RYR1: variants seen among roughly 807,000 people sequenced by gnomAD.
The protein encoded by RYR1 is ryanodine receptor 1.
In RYR1, 342 loss-of-function variants were observed where a neutral mutation model predicts 583.5. The ratio of observed to expected loss-of-function variants is 0.59; its 90% CI spans 0.54 to 0.64. The LOEUF (loss-of-function observed/expected upper bound fraction) is 0.64. Among genes scored for constraint, RYR1 ranks in the 30% least tolerant of loss-of-function variants. The pLI, the probability that RYR1 is intolerant of heterozygous loss-of-function variation, is 0.00. For missense variants in RYR1, 6,032 were observed against 6,917.2 expected, an observed-to-expected ratio of 0.87 and a Z score of 4.54; for synonymous variants, 2,791 against 2,822.5, an observed-to-expected ratio of 0.99 and a Z score of 0.35.
At chr19:38,572,387 T>C (rs1973761182) in intron 95 of RYR1, 117 bp downstream of exon 95, 3 of 1,216,292 alleles carry the variant, frequency 2.5e-6, no homozygotes, top group Non-Finnish European at 2.3e-6. Context: ...AGAGGGGGCC[T>C]AGGGTTGGGG....
In RYR1 at chr19:38,458,612, T is replaced by TA. The variant is rs770089602; in HGVS notation, c.2167+320_2167+321insA. On this transcript the variant is annotated intron_variant, in intron 18 of 105. Coordinates refer to ENST00000359596, the MANE Select transcript of RYR1 (RefSeq NM_000540.3). ...AGGAGAATTTATTTATTTATTTATTTTGTTTGTTTGTTTGTTTGTTTGTTT... is the reference window on the plus strand; with the variant it reads ...AGGAGAATTTATTTATTTATTTATTTATGTTTGTTTGTTTGTTTGTTTGTTT... 8.4e-3 allele frequency among the ~76,000 whole-genome samples: 1,234 copies of TA among 147,690 alleles called. 17 individuals carry two copies. Among genetic ancestry groups the TA allele is most frequent in the African/African-American group, 0.029 (1,155 of 40,204 alleles).
In RYR1 at chr19:38,501,006, C is replaced by T. The variant is rs557965577; in HGVS notation, c.7614+16C>T. 716 of 1,611,052 alleles carry T rather than the reference C, an allele frequency of 4.4e-4. 8 individuals are homozygous for T. In the South Asian group the frequency reaches 7.5e-3, roughly 17 times the overall value. ...GCTGGACACGGTGAGCAACCCTGCC[C>T]AGCCTGGCCACCCTCCCCACTTCCA... On this transcript the variant is annotated intron_variant, in intron 47 of 105. Coordinates refer to ENST00000359596, the MANE Select transcript of RYR1 (RefSeq NM_000540.3).
Position 38,442,570 on chromosome 19 carries a change from CTCT to C in RYR1, c.270+123_270+125del, listed in dbSNP as rs1249111257. On this transcript the variant is annotated intron_variant, in intron 3 of 105. Coordinates refer to ENST00000359596, the MANE Select transcript of RYR1 (RefSeq NM_000540.3). Reference sequence around the variant, plus strand: ...GGACCCGGGGGTCGCTTACCATCTGCTCTTCTTCCTCTCTCTGCCCTGCCCCCC... The same window carrying C: ...GGACCCGGGGGTCGCTTACCATCTGCTCTTCCTCTCTCTGCCCTGCCCCCC... The C allele has an allele frequency of 4.2e-6, 3 of 712,426 alleles. No homozygotes were observed. In the South Asian group the frequency reaches 4.6e-5, roughly 11 times the overall value. 44.1% of individuals were successfully genotyped at this position (712,426 alleles called of 1,614,324 possible). A position where few individuals can be genotyped will look rare whatever the true frequency, so the allele number is the denominator to read the frequency against.
chr19:38,576,033 A>G, intron 97 of RYR1, 72 bp downstream of exon 97: 1 of 1,562,934 alleles, frequency 6.4e-7, no homozygotes, highest in Non-Finnish European at 8.8e-7. Context: ...AGGCCTGCCA[A>G]GCACTTGCTT....
rs1973048128 is a variant in RYR1, at chr19:38,559,884, A to T, written c.12283-1229A>T. Among the ~76,000 whole-genome samples, 5 of 151,176 alleles carry T rather than the reference A, an allele frequency of 3.3e-5. No homozygotes were observed. The South Asian group carries it at 8.4e-4, about 25-fold the overall frequency. ...TTAGAAATAAAATAGAACACTGCAG[A>T]GTGTGCTACACAGCAAAGGTCAGAA... On this transcript the variant is annotated intron_variant, in intron 89 of 105. Coordinates refer to ENST00000359596, the MANE Select transcript of RYR1 (RefSeq NM_000540.3).
intron 38 of RYR1, among the ~76,000 whole-genome samples, chr19:38,494,104 G>A (rs1441290073): frequency 1.3e-5 from 2 of 152,126 alleles, no homozygotes; most frequent in East Asian, 3.9e-4. Flanking sequence ...GGGAGTTCGA[G>A]GCTGAAGTGA....
At chr19:38,551,025 C>CTTTTTTTTTTTTTTT (rs71165560) in intron 89 of RYR1, among the ~76,000 whole-genome samples, 1 of 41,358 alleles carries the variant, frequency 2.4e-5, no homozygotes, top group African/African-American at 8.5e-5. Flanking sequence ...GGATTCACGG[C>CTTTTTTTTTTTTTTT]TTTTTTTTTT....
rs1242322657 is a variant in RYR1, at chr19:38,561,432, G to A, written c.12602G>A (p.Arg4201His). The A allele has an allele frequency of 1.9e-6, 3 of 1,609,778 alleles. No individual in the cohort carries two copies. Among genetic ancestry groups the A allele is most frequent in the Admixed American group, 1.7e-5 (1 of 60,014 alleles). The change falls in exon 90 of 106, where the codon CGC becomes CAC. Residue 4201 changes from arginine (R) to histidine (H), a missense_variant. Arg to His is a conservative substitution (Grantham distance 29, BLOSUM62 0). This residue lies in a region of RYR1 where 753 missense variants were observed against 759.6 expected (regional missense o/e 0.99). Coordinates refer to ENST00000359596, the MANE Select transcript of RYR1 (RefSeq NM_000540.3). This position sits in a 1 kb window ranked among gnomAD's most constrained non-coding sequence, Gnocchi z 4.8. ...TACTTCGAGATCTCAGAGACCAACC[G>A]CGCCCAGTGGGAGATGCCCCAGGTC... Reference protein sequence around the residue: ...RIYFEISETNRAQWEMPQVKE... With the variant: ...RIYFEISETNHAQWEMPQVKE...
At position 38,507,698 on chromosome 19, in the gene RYR1, A is replaced by C; in HGVS notation, c.8817-14A>C. ...GGCGTCTGGGCTGATCCTTCTCTCC[A>C]CATCTCCATGCAGAGGCCTTAAGGA... On this transcript the variant is annotated splice_polypyrimidine_tract_variant and intron_variant, in intron 57 of 105. Transcript: ENST00000359596. 6.5e-7 allele frequency: 1 copy of C among 1,545,956 alleles called. No homozygotes were observed. Among genetic ancestry groups the C allele is most frequent in the Non-Finnish European group, 8.9e-7 (1 of 1,118,100 alleles).
In RYR1 at chr19:38,512,001, G is replaced by A. The variant is rs1383122243; in HGVS notation, c.9173-71G>A. The A allele has an allele frequency of 3.3e-6, 5 of 1,527,160 alleles. No homozygotes were observed. The highest frequency in any genetic ancestry group is 3.6e-6 in the Non-Finnish European group (4 of 1,113,964). The allele number at this position is 1,527,160 out of a possible 1,614,324, so 94.6% of individuals were successfully genotyped here. On this transcript the variant is annotated intron_variant, in intron 61 of 105. Transcript: ENST00000359596. The surrounding 1 kb of genome is among the most constrained non-coding windows in gnomAD (Gnocchi z 5.1). ...GCCTCAGGAAGAGAGCGGTTGGGGT[G>A]GATGTAGAGGGAGGCACTGTCCTCT...
chr19:38,583,806 C>T (rs2145908007), intron 101 of RYR1, among the ~76,000 whole-genome samples: 1 of 152,174 alleles, frequency 6.6e-6, no homozygotes, highest in East Asian at 1.9e-4. Context: ...CACTTGATAC[C>T]TCACCTTTCC....
intron 102 of RYR1, 56 bp from the exon 103 acceptor site, chr19:38,585,882 G>A (rs897529981): frequency 5.6e-6 from 9 of 1,604,562 alleles, no homozygotes; most frequent in East Asian, 4.5e-5. Flanking sequence ...AGCTGGAGAG[G>A]GGGGAGTCTG....
At chr19:38,466,940 G>A (rs1296034058) in intron 24 of RYR1, among the ~76,000 whole-genome samples, 2 of 152,192 alleles carry the variant, frequency 1.3e-5, no homozygotes, top group Non-Finnish European at 2.9e-5. Context: ...CGCCAGCCCT[G>A]CCTGGGCTAT....
chr19:38,489,797 T>G (rs1969470908), intron 35 of RYR1, among the ~76,000 whole-genome samples: 1 of 151,976 alleles, frequency 6.6e-6, no homozygotes, highest in African/African-American at 2.4e-5. Context: ...CCCAGCTAAT[T>G]TTTTGTATTT....
intron 70 of RYR1, among the ~76,000 whole-genome samples, chr19:38,524,204 GAAAA>G (rs997556383): frequency 4.1e-5 from 4 of 97,446 alleles, no homozygotes; most frequent in African/African-American, 1.6e-4. Flanking sequence ...AAAAAAAAAA[GAAAA>G]AAAGAGCAAC....
At chr19:38,545,515 T>C (rs1480124565) in intron 87 of RYR1, among the ~76,000 whole-genome samples, 1 of 152,184 alleles carries the variant, frequency 6.6e-6, no homozygotes, top group Non-Finnish European at 1.5e-5. Context: ...TGGAACCATA[T>C]GAAATTACCA....
At chr19:38,541,405 T>C (rs1033060280) in intron 84 of RYR1, among the ~76,000 whole-genome samples, 2 of 150,878 alleles carry the variant, frequency 1.3e-5, no homozygotes, top group African/African-American at 4.9e-5. Context: ...AACACATGTA[T>C]CAGGTCTCAA....
chr19:38,446,169 C>T (rs538823867), intron 7 of RYR1, among the ~76,000 whole-genome samples: 3 of 152,040 alleles, frequency 2.0e-5, no homozygotes, highest in African/African-American at 7.2e-5. Flanking sequence ...ACACTCTGAC[C>T]CCAACCTCAA....
Position 38,566,995 on chromosome 19 carries a change from G to C in RYR1, c.13514+8G>C. 6.3e-7 allele frequency: 1 copy of C among 1,584,540 alleles called. No individual in the cohort carries two copies. Among genetic ancestry groups the C allele is most frequent in the South Asian group, 1.1e-5 (1 of 86,962 alleles). ...GGAGCCGGAGAAAGCCGAGTGAGTG[G>C]CCTTGGGGCTGAGGGGCCTAGCCCC... On this transcript the variant is annotated splice_region_variant and intron_variant, in intron 92 of 105. Coordinates refer to ENST00000359596, the MANE Select transcript of RYR1 (RefSeq NM_000540.3).
Sources: gnomAD v4.1 joint callset for allele counts (sites outside exome capture counted in the v4.1 genomes callset) on GRCh38, gnomAD v4.1.1 for gene constraint, gnomAD v4.1.1 regional missense constraint, Gnocchi (gnomAD v3.1) non-coding constraint, MANE v1.5 for transcripts, NCBI Gene and HGNC (gene_info 2026-07-23, HGNC 2026-07-21) for gene names.